Variants in MRC2 observed in about 807,000 individuals in gnomAD.
The protein encoded by MRC2 is C-type mannose receptor 2.
A neutral mutation model predicts 206.2 loss-of-function variants in MRC2; 84 were observed. The ratio of observed to expected loss-of-function variants is 0.41; its 90% CI spans 0.34 to 0.49. The LOEUF is 0.49. Ranked by LOEUF, MRC2 falls within the 20% of genes least tolerant of loss-of-function variation. MRC2 has a pLI of 0.31. For synonymous variants in MRC2, 798 were observed against 800.0 expected (o/e 1.00, Z 0.04); for missense variants, 1,676 against 2,001.5 (o/e 0.84, Z 3.10).
Position 62,691,016 on chromosome 17 carries a change from C to A in MRC2, c.4080C>A (p.Gly1360=), listed in dbSNP as rs1435671305. The part of the protein sequence containing the change: ...NYSNWGPPGL[G]PSMLSHNSCY... ...CCAACTGGGGGCCCCCGGGCTTGGG[C>A]CCCAGCATGCTGAGCCACAACAGCT... The change falls in exon 28 of 30, where the codon GGC becomes GGA. Residue 1360 remains glycine, a synonymous_variant. Transcript: ENST00000303375. 6.2e-7 allele frequency: 1 copy of A among 1,608,968 alleles called. No homozygotes were observed.
At position 62,691,141 on chromosome 17, in the gene MRC2, C is replaced by G. The variant is rs749373727; in HGVS notation, c.4192+13C>G. ...AAGCTTCCTCGTGGTGAGCGCCGGG[C>G]AGGCCCACGCTCAGCCTCCTTCCAC... is the stretch of plus-strand genomic sequence containing the variant. On this transcript the variant is annotated intron_variant, in intron 28 of 29. Coordinates refer to ENST00000303375, the MANE Select transcript of MRC2 (RefSeq NM_006039.5). 6.3e-7 allele frequency: 1 copy of G among 1,588,614 alleles called. No individual in the cohort carries two copies. Among genetic ancestry groups the G allele is most frequent in the Non-Finnish European group, 8.5e-7 (1 of 1,170,622 alleles).
chr17:62,632,953 T>TC (rs1036479885), intron 1 of MRC2, among the ~76,000 whole-genome samples: 48 of 151,960 alleles, frequency 3.2e-4, no homozygotes, highest in Admixed American at 1.3e-3. Context: ...TGGCAGTGTT[T>TC]CCCCCCGTCA....
intron 28 of MRC2, among the ~76,000 whole-genome samples, chr17:62,691,726 G>A (rs545063125): frequency 1.5e-3 from 207 of 139,422 alleles, no homozygotes; most frequent in Non-Finnish European, 2.5e-3. Flanking sequence ...AGCCGAGATC[G>A]CACCACTGCA....
At chr17:62,647,216 C>T (rs1339262916) in intron 1 of MRC2, among the ~76,000 whole-genome samples, 1 of 135,072 alleles carries the variant, frequency 7.4e-6, no homozygotes, top group Non-Finnish European at 1.5e-5. Context: ...CAGAGTCTTG[C>T]TCTATCGCCC....
Position 62,667,015 on chromosome 17 carries a change from C to T in MRC2, c.973+145C>T. ...CCTCCACCCCCCTCCCCAGACTGCG[C>T]CCCCCTAGCCCATGTAGGGCGGCGC... On this transcript the variant is annotated intron_variant, in intron 5 of 29. Transcript: ENST00000303375. The surrounding 1 kb of genome is among the most constrained non-coding windows in gnomAD (Gnocchi z 4.1). The T allele has an allele frequency of 1.5e-6, 1 of 687,476 alleles. No homozygotes were observed. Among genetic ancestry groups the T allele is most frequent in the South Asian group, 1.9e-5 (1 of 53,812 alleles). 42.6% of individuals were successfully genotyped at this position (687,476 alleles called of 1,614,324 possible).
chr17:62,627,688 G>C lies in MRC2; in HGVS notation c.-115G>C, dbSNP rs1022843112. ...GGGAGGCATCACTTCGTCCCGACCC[G>C]GAGGAGGACGCGAGCCCCTTGCGGG... On this transcript the variant is annotated 5_prime_UTR_variant, in exon 1 of 30. Coordinates refer to ENST00000303375, the MANE Select transcript of MRC2 (RefSeq NM_006039.5). The C allele has an allele frequency of 5.5e-6, 4 of 722,584 alleles. No individual in the cohort carries two copies. The highest frequency in any genetic ancestry group is 7.9e-6 in the Non-Finnish European group (4 of 504,602). 44.8% of individuals were successfully genotyped at this position (722,584 alleles called of 1,614,324 possible).
chr17:62,677,505 C>T lies in MRC2; in HGVS notation c.2052+19C>T, dbSNP rs532166880. ...CTATAAGGTAGGGCAGCCTGTTGGC[C>T]GGGTAGGGGGCAGGGGGAGGACAGG... On this transcript the variant is annotated intron_variant, in intron 12 of 29. Transcript: ENST00000303375. 1.1e-4 allele frequency: 168 copies of T among 1,576,042 alleles called. No homozygotes were observed. The Admixed American group carries it at 1.2e-3, about 11-fold the overall frequency.
chr17:62,668,482 G>A (rs2088785926), intron 6 of MRC2, among the ~76,000 whole-genome samples: 1 of 152,122 alleles, frequency 6.6e-6, no homozygotes, highest in South Asian at 2.1e-4. Flanking sequence ...TTCAAGTATG[G>A]TCATCCAACC....
intron 1 of MRC2, among the ~76,000 whole-genome samples, chr17:62,645,523 A>ATTT (rs1275675979): frequency 1.5e-3 from 59 of 40,062 alleles, no homozygotes; most frequent in Non-Finnish European, 1.9e-3. Flanking sequence ...ATATATATAT[A>ATTT]TATATTTTTT....
intron 11 of MRC2, 34 bp downstream of exon 11, chr17:62,676,565 G>A (rs200996881): frequency 3.7e-5 from 58 of 1,551,962 alleles, no homozygotes; most frequent in Admixed American, 5.8e-5. Context: ...TTGGTGAAGC[G>A]AGGAGGGAGG....
rs1307667075 is a variant in MRC2, at chr17:62,667,511, C to T, written c.1095C>T (p.Ala365=). ...LPYVCKKKPN[A]TAEPTPPDRW... The stretch of plus-strand genomic sequence containing the variant: ...ATGTGTGCAAGAAGAAGCCCAACGC[C>T]ACGGCCGAGCCCACCCCTCCAGGTG... The change falls in exon 6 of 30, where the codon GCC becomes GCT. Residue 365 remains alanine, a synonymous_variant. Transcript: ENST00000303375. This position sits in a 1 kb window ranked among gnomAD's most constrained non-coding sequence, Gnocchi z 4.1. 1.9e-6 allele frequency: 3 copies of T among 1,611,152 alleles called. No individual in the cohort carries two copies. Among genetic ancestry groups the T allele is most frequent in the Non-Finnish European group, 2.5e-6 (3 of 1,179,442 alleles).
Position 62,666,019 on chromosome 17 carries a change from C to T in MRC2, c.521-75C>T. ...CAGCACTCTGGGTTTTAGGGGATTT[C>T]TCCTGAGGGTCGAGGGGCTTGGCAG... On this transcript the variant is annotated intron_variant, in intron 2 of 29. Transcript: ENST00000303375. This position sits in a 1 kb window ranked among gnomAD's most constrained non-coding sequence, Gnocchi z 5.0. 1 of 1,462,976 alleles carries T rather than the reference C, an allele frequency of 6.8e-7. No individual in the cohort carries two copies. Among genetic ancestry groups the T allele is most frequent in the Non-Finnish European group, 9.2e-7 (1 of 1,090,838 alleles). The allele number at this position is 1,462,976 out of a possible 1,614,324, so 90.6% of individuals were successfully genotyped here.
At position 62,664,011 on chromosome 17, in the gene MRC2, G is replaced by C. The variant is rs910570266; in HGVS notation, c.119-537G>C. On this transcript the variant is annotated intron_variant, in intron 1 of 29. Transcript: ENST00000303375. This position sits in a 1 kb window ranked among gnomAD's most constrained non-coding sequence, Gnocchi z 4.7. ...GTCTCGCTCTGTCGCCCAGGCTGGA[G>C]TGCAGTGGCGGGATCTCGGCTCACT... Among the ~76,000 whole-genome samples the C allele has an allele frequency of 2.7e-5, 4 of 147,312 alleles. No individual in the cohort carries two copies. Among genetic ancestry groups the C allele is most frequent in the Non-Finnish European group, 5.9e-5 (4 of 67,248 alleles).
At chr17:62,689,458 C>T (rs2089074698) in intron 23 of MRC2, 64 bp from the exon 24 acceptor site, 3 of 1,163,412 alleles carry the variant, frequency 2.6e-6, no homozygotes, top group Non-Finnish European at 3.6e-6. Flanking sequence ...TTCTCCTGGC[C>T]TTGTGCCTGG....
rs1371378330 is a variant in MRC2, at chr17:62,692,489, G to A, written c.*38G>A. 2.0e-6 allele frequency: 3 copies of A among 1,528,556 alleles called. No individual in the cohort carries two copies. In the South Asian group the frequency reaches 3.6e-5, roughly 19 times the overall value. The allele number at this position is 1,528,556 out of a possible 1,614,324, so 94.7% of individuals were successfully genotyped here. A position where few individuals can be genotyped will look rare whatever the true frequency, so the allele number is the denominator to read the frequency against. On this transcript the variant is annotated 3_prime_UTR_variant, in exon 30 of 30. Coordinates refer to ENST00000303375, the MANE Select transcript of MRC2 (RefSeq NM_006039.5). The surrounding 1 kb of genome is among the most constrained non-coding windows in gnomAD (Gnocchi z 4.2). ...GGGCAGGGCCAGGGCGGGAGGAGCT[G>A]GGGAGCTGGGGCCCTGGGTCAGTCT... is the stretch of plus-strand genomic sequence containing the variant.
At chr17:62,639,298 T>C (rs2088368728) in intron 1 of MRC2, among the ~76,000 whole-genome samples, 1 of 151,762 alleles carries the variant, frequency 6.6e-6, no homozygotes, top group African/African-American at 2.4e-5. Flanking sequence ...GAGCCGAGAT[T>C]GTGCCACTGC....
intron 12 of MRC2, among the ~76,000 whole-genome samples, chr17:62,677,883 C>G (rs1289188484): frequency 6.6e-6 from 1 of 152,068 alleles, no homozygotes; most frequent in Non-Finnish European, 1.5e-5. Flanking sequence ...AACCCCATCT[C>G]TACTAAAATA....
In MRC2 at chr17:62,666,665, C is replaced by T. The variant is rs2088759694; in HGVS notation, c.859+46C>T. The T allele has an allele frequency of 6.5e-7, 1 of 1,549,606 alleles. No individual in the cohort carries two copies. The highest frequency in any genetic ancestry group is 8.7e-7 in the Non-Finnish European group (1 of 1,146,538). On this transcript the variant is annotated intron_variant, in intron 4 of 29. Coordinates refer to ENST00000303375, the MANE Select transcript of MRC2 (RefSeq NM_006039.5). The surrounding 1 kb of genome is among the most constrained non-coding windows in gnomAD (Gnocchi z 5.0). ...TGCTCGTGCCTCTGGAGGGCCCGGG[C>T]CCTTTCCGCTTGTGGGTTGGGGAGA...
intron 1 of MRC2, among the ~76,000 whole-genome samples, chr17:62,640,733 G>A (rs964409146): frequency 6.7e-6 from 1 of 150,054 alleles, no homozygotes; most frequent in Non-Finnish European, 1.5e-5. Context: ...CGCCCAGGCT[G>A]GAGTGCAGTG....
Sources: allele counts gnomAD v4.1 joint callset (sites outside exome capture counted in the v4.1 genomes callset), GRCh38; gene constraint gnomAD v4.1.1; non-coding constraint Gnocchi (gnomAD v3.1); transcripts MANE v1.5; gene names NCBI Gene and HGNC (gene_info 2026-07-23, HGNC 2026-07-21).